The following SPTA1 variants were observed in gnomAD, a reference collection of about 807,000 sequenced individuals.
SPTA1 encodes spectrin alpha, erythrocytic 1.
A neutral mutation model predicts 324.7 loss-of-function variants in SPTA1; 177 were observed. The ratio of observed to expected loss-of-function variants is 0.55; its 90% CI spans 0.48 to 0.62. The LOEUF is 0.62. Among genes scored for constraint, SPTA1 ranks in the 20% least tolerant of loss-of-function variants. SPTA1 has a pLI of 0.00. For missense variants in SPTA1, 3,162 were observed against 2,883.6 expected (o/e 1.10, Z -2.21); for synonymous variants, 1,195 against 1,041.3 (o/e 1.15, Z -2.84).
In SPTA1 at chr1:158,681,605, A is replaced by G. The variant is rs1230962196; in HGVS notation, c.453T>C (p.Gly151=). The G allele has an allele frequency of 6.2e-7, 1 of 1,613,646 alleles. No homozygotes were observed. Among genetic ancestry groups the G allele is most frequent in the Non-Finnish European group, 8.5e-7 (1 of 1,179,778 alleles). ...DLLLELTLEK[G]DQLLRALKFQ... is the part of the protein sequence containing the mutation. ...ACTTCAGGGCCCGCAGCAACTGGTC[A>G]CCCTTCTCCAGGGTCAGCTCTAACA... Residue 151 remains glycine (G), a synonymous_variant, in exon 4 of 52, where the codon GGT becomes GGC. Transcript: ENST00000643759.
At position 158,678,466 on chromosome 1, in the gene SPTA1, A is replaced by T; in HGVS notation, c.747T>A (p.Leu249=). 5 of 1,613,816 alleles carry T rather than the reference A, an allele frequency of 3.1e-6. No individual in the cohort carries two copies. The highest frequency in any genetic ancestry group is 1.3e-5 in the African/African-American group (1 of 75,014). ...QNEVNAAWER[L]RGLALQRQKA... ...TCTGTCTCTGGAGAGCCAAACCACGAAGGCGCTCCCAGGCAGCATTCACCT... is the reference window on the plus strand; with the variant it reads ...TCTGTCTCTGGAGAGCCAAACCACGTAGGCGCTCCCAGGCAGCATTCACCT... Residue 249 remains leucine (L), a synonymous_variant, in exon 6 of 52, where the codon CTT becomes CTA. Coordinates refer to ENST00000643759, the MANE Select transcript of SPTA1 (RefSeq NM_003126.4).
In SPTA1 at chr1:158,671,299, A is replaced by G. The variant is rs368538983; in HGVS notation, c.1599+44T>C. Reference sequence around the variant, plus strand: ...GGACAGGTATTGTGTAAAATTATGTATACAGAGAGGGAGCCAATGCCCAAA... The same window carrying G: ...GGACAGGTATTGTGTAAAATTATGTGTACAGAGAGGGAGCCAATGCCCAAA... On this transcript the variant is annotated intron_variant, in intron 12 of 51. Transcript: ENST00000643759. The G allele has an allele frequency of 1.6e-4, 226 of 1,417,364 alleles. 1 individual carries two copies. Among genetic ancestry groups the G allele is most frequent in the South Asian group, 3.5e-4 (30 of 85,800 alleles). The allele number at this position is 1,417,364 out of a possible 1,614,324, so 87.8% of individuals were successfully genotyped here.
intron 16 of SPTA1, among the ~76,000 whole-genome samples, chr1:158,664,249 TTTACAATA>T (rs1653439407): frequency 6.6e-6 from 1 of 152,180 alleles, no homozygotes; most frequent in Non-Finnish European, 1.5e-5. Context: ...TGTAGCAGTA[TTTACAATA>T]GCAAAGACTT....
In SPTA1 at chr1:158,644,865, T is replaced by G. The variant is rs1055935286; in HGVS notation, c.4194+323A>C. On this transcript the variant is annotated intron_variant, in intron 29 of 51. Transcript: ENST00000643759. Reference sequence around the variant, plus strand: ...GAAATGGGAAACTATCTTACTAATCTTTGTGGCACTCCGAGCCTCCACAGA... The same window carrying G: ...GAAATGGGAAACTATCTTACTAATCGTTGTGGCACTCCGAGCCTCCACAGA... Among the ~76,000 whole-genome samples the G allele has an allele frequency of 2.6e-5, 4 of 152,304 alleles. No homozygotes were observed. The East Asian group carries it at 7.7e-4, about 29-fold the overall frequency.
Position 158,642,959 on chromosome 1 carries a change from G to T in SPTA1, c.4460C>A (p.Ala1487Glu). ...RVLDRWKALKAQLIDERTKLG... is the reference protein window; with the variant it reads ...RVLDRWKALKEQLIDERTKLG... Reference sequence around the variant, plus strand: ...CTTTGTCCGCTCATCAATCAGTTGTGCTTTGAGAGCCTTCCACCTAGAGGA... The same window carrying T: ...CTTTGTCCGCTCATCAATCAGTTGTTCTTTGAGAGCCTTCCACCTAGAGGA... The change falls in exon 32 of 52, where the codon GCA (alanine) becomes GAA (glutamate). Residue 1487 changes from alanine to glutamate, a missense_variant. Ala to Glu is a moderately radical substitution (Grantham distance 107). Coordinates refer to ENST00000643759, the MANE Select transcript of SPTA1 (RefSeq NM_003126.4). 6.2e-7 allele frequency: 1 copy of T among 1,613,568 alleles called. No individual in the cohort carries two copies. The highest frequency in any genetic ancestry group is 8.5e-7 in the Non-Finnish European group (1 of 1,179,724).
At chr1:158,662,058 CA>C (rs1653258521) in intron 17 of SPTA1, among the ~76,000 whole-genome samples, 1 of 152,154 alleles carries the variant, frequency 6.6e-6, no homozygotes, top group East Asian at 1.9e-4. Flanking sequence ...ACTTCCCATT[CA>C]AAATATACTC....
intron 42 of SPTA1, among the ~76,000 whole-genome samples, chr1:158,624,758 T>A (rs945589904): frequency 6.6e-6 from 1 of 152,164 alleles, no homozygotes; most frequent in African/African-American, 2.4e-5. Context: ...GCCAAAACTG[T>A]ATAGGGCACA....
chr1:158,621,624 CT>C (rs1649916762), intron 43 of SPTA1, among the ~76,000 whole-genome samples: 1 of 152,040 alleles, frequency 6.6e-6, no homozygotes, highest in African/African-American at 2.4e-5. Flanking sequence ...AAGGAGCTTC[CT>C]ATATAGAATG....
intron 18 of SPTA1, among the ~76,000 whole-genome samples, chr1:158,659,986 C>T (rs1372911648): frequency 2.6e-5 from 4 of 152,132 alleles, no homozygotes; most frequent in African/African-American, 9.6e-5. Context: ...AAAAGGACTC[C>T]AAATCACAAT....
chr1:158,667,582 G>A (rs925080336), intron 15 of SPTA1, among the ~76,000 whole-genome samples: 3 of 151,920 alleles, frequency 2.0e-5, no homozygotes, highest in Non-Finnish European at 4.4e-5. Flanking sequence ...AAAAAAGTGA[G>A]GAAAACAAAA....
At chr1:158,621,533 T>C (rs1390607714) in intron 43 of SPTA1, among the ~76,000 whole-genome samples, 1 of 152,212 alleles carries the variant, frequency 6.6e-6, no homozygotes, top group Non-Finnish European at 1.5e-5. Context: ...TGAGTGAATA[T>C]TTTATAAATA....
chr1:158,661,378 C>G lies in SPTA1; in HGVS notation c.2496G>C (p.Leu832=). The part of the protein sequence containing the change: ...GKDLIASKKL[L]NRHRVILENI... The stretch of plus-strand genomic sequence containing the variant: ...TCTCCAGGATGACTCTATGCCTATT[C>G]AGAAGCTTTTTGGAAGCAATCAGGT... Residue 832 remains leucine, a synonymous_variant, in exon 18 of 52, where the codon CTG becomes CTC. Coordinates refer to ENST00000643759, the MANE Select transcript of SPTA1 (RefSeq NM_003126.4). 1 of 1,613,912 alleles carries G rather than the reference C, an allele frequency of 6.2e-7. No individual in the cohort carries two copies. Among genetic ancestry groups the G allele is most frequent in the Non-Finnish European group, 8.5e-7 (1 of 1,179,894 alleles).
At chr1:158,619,960 C>CA (rs1649802801) in intron 44 of SPTA1, among the ~76,000 whole-genome samples, 1 of 152,100 alleles carries the variant, frequency 6.6e-6, no homozygotes, top group African/African-American at 2.4e-5. Flanking sequence ...GTTCAATACT[C>CA]AAAAACAGGA....
At chr1:158,659,073 T>C (rs1653023565) in intron 18 of SPTA1, among the ~76,000 whole-genome samples, 1 of 151,952 alleles carries the variant, frequency 6.6e-6, no homozygotes, top group South Asian at 2.1e-4. Context: ...ATACTGGAAA[T>C]GGGAACTATG....
intron 42 of SPTA1, among the ~76,000 whole-genome samples, chr1:158,625,302 T>C (rs1173216615): frequency 6.6e-6 from 1 of 152,156 alleles, no homozygotes; most frequent in Non-Finnish European, 1.5e-5. Flanking sequence ...ATTTTATAAT[T>C]AAAAGTATCA....
chr1:158,642,688 T>C, intron 32 of SPTA1, 126 bp downstream of exon 32: 1 of 1,575,050 alleles, frequency 6.3e-7, no homozygotes. Flanking sequence ...CATCAGACTC[T>C]GAAGTCTCTG....
intron 1 of SPTA1, among the ~76,000 whole-genome samples, chr1:158,685,906 C>G (rs1215159530): frequency 6.6e-6 from 1 of 152,152 alleles, no homozygotes; most frequent in Non-Finnish European, 1.5e-5. Context: ...CAGCTATCTT[C>G]TGCCCAATTG....
At chr1:158,669,367 ACTCCTGATAACTACATCCAG>A (rs1557980085) in intron 14 of SPTA1, 21 bp downstream of exon 14, 1 of 1,613,272 alleles carries the variant, frequency 6.2e-7, no homozygotes, top group Non-Finnish European at 8.5e-7. Context: ...AATGAAAGGA[ACTCCTGATAACTACATCCAG>A]CTCCTGAAAA....
At position 158,686,589 on chromosome 1, in the gene SPTA1, G is replaced by A; in HGVS notation, c.-72C>T. 8.5e-7 allele frequency: 1 copy of A among 1,176,786 alleles called. No individual in the cohort carries two copies. Among genetic ancestry groups the A allele is most frequent in the South Asian group, 1.2e-5 (1 of 81,604 alleles). The allele number at this position is 1,176,786 out of a possible 1,614,324, so 72.9% of individuals were successfully genotyped here. A position where few individuals can be genotyped will look rare whatever the true frequency, so the allele number is the denominator to read the frequency against. Reference sequence around the variant, plus strand: ...AGAGAGAGAGAGAAATAATTCAAATGGAACTGTCCAGTCGAATTCAAATAG... The same window carrying A: ...AGAGAGAGAGAGAAATAATTCAAATAGAACTGTCCAGTCGAATTCAAATAG... On this transcript the variant is annotated 5_prime_UTR_variant, in exon 1 of 52. Coordinates refer to ENST00000643759, the MANE Select transcript of SPTA1 (RefSeq NM_003126.4).
Sources: gnomAD v4.1 joint callset for allele counts (sites outside exome capture counted in the v4.1 genomes callset) on GRCh38, gnomAD v4.1.1 for gene constraint, MANE v1.5 for transcripts, NCBI Gene and HGNC (gene_info 2026-07-23, HGNC 2026-07-21) for gene names.